SSBP2: variants seen among roughly 807,000 people sequenced by gnomAD.
SSBP2 encodes the protein single stranded DNA binding protein 2.
A neutral mutation model predicts 61.8 loss-of-function variants in SSBP2; 17 were observed. The ratio of observed to expected loss-of-function variants is 0.28; its 90% CI spans 0.19 to 0.41. The LOEUF (loss-of-function observed/expected upper bound fraction) is 0.41. Among genes scored for constraint, SSBP2 ranks in the 10% least tolerant of loss-of-function variants. SSBP2 has a pLI of 1.00. For missense variants in SSBP2, 310 were observed against 458.7 expected (o/e 0.68, Z 2.96); for synonymous variants, 139 against 141.3 (o/e 0.98, Z 0.12).
intron 1 of SSBP2, among the ~76,000 whole-genome samples, chr5:81,703,423 C>G (rs1696628113): frequency 6.6e-6 from 1 of 152,032 alleles, no homozygotes; most frequent in South Asian, 2.1e-4. Flanking sequence ...AATAGTGATT[C>G]CCTGAGACAG....
intron 1 of SSBP2, among the ~76,000 whole-genome samples, chr5:81,704,369 C>T (rs1169921764): frequency 1.3e-5 from 2 of 152,310 alleles, no homozygotes; most frequent in East Asian, 1.9e-4. Flanking sequence ...TTCAGTTCTA[C>T]CACTTACATT....
chr5:81,462,043 A>T (rs1764579471), intron 9 of SSBP2, among the ~76,000 whole-genome samples: 1 of 152,200 alleles, frequency 6.6e-6, no homozygotes, highest in Non-Finnish European at 1.5e-5. Flanking sequence ...CTTGATTCTA[A>T]GACCTTAAAC....
At chr5:81,523,442 C>T (rs765875111) in intron 4 of SSBP2, among the ~76,000 whole-genome samples, 13 of 151,900 alleles carry the variant, frequency 8.6e-5, no homozygotes, top group Non-Finnish European at 1.9e-4. Context: ...CTGGGTGATA[C>T]ATTCACATTT....
chr5:81,497,456 G>C (rs1356419583), intron 5 of SSBP2, among the ~76,000 whole-genome samples: 1 of 152,128 alleles, frequency 6.6e-6, no homozygotes, highest in Non-Finnish European at 1.5e-5. Context: ...ATATAATAAA[G>C]CTTGGTCCTC....
At chr5:81,726,154 G>C (rs571359111) in intron 1 of SSBP2, among the ~76,000 whole-genome samples, 4 of 152,286 alleles carry the variant, frequency 2.6e-5, no homozygotes, top group African/African-American at 7.2e-5. Flanking sequence ...TAAAACAAGA[G>C]AGGAGTCTTG....
chr5:81,614,313 T>C (rs963160562), intron 4 of SSBP2, among the ~76,000 whole-genome samples: 4 of 135,902 alleles, frequency 2.9e-5, no homozygotes, highest in African/African-American at 5.6e-5. Context: ...TGAGCCGAGA[T>C]TGCGCCACCG....
intron 1 of SSBP2, among the ~76,000 whole-genome samples, chr5:81,660,910 G>T (rs938510418): frequency 2.7e-5 from 4 of 150,362 alleles, no homozygotes; most frequent in Non-Finnish European, 4.4e-5. Context: ...CACAGGAAAA[G>T]AAAACCAAAC....
In SSBP2 at chr5:81,630,857, G is replaced by C. The variant is rs534531030; in HGVS notation, c.197+5700C>G. ...AGGAATAAGTTAAATTCATGAGAAA[G>C]CATGTAAAAGAGAAAGAGGTGTAAG... On this transcript the variant is annotated intron_variant, in intron 3 of 16. Transcript: ENST00000320672. Among the ~76,000 whole-genome samples the C allele has an allele frequency of 7.3e-5, 11 of 150,898 alleles. No homozygotes were observed. The East Asian group carries it at 1.8e-3, about 24-fold the overall frequency.
At chr5:81,441,805 T>C (rs1215022393) in intron 13 of SSBP2, among the ~76,000 whole-genome samples, 1 of 152,200 alleles carries the variant, frequency 6.6e-6, no homozygotes, top group Non-Finnish European at 1.5e-5. Flanking sequence ...CTCACTGATA[T>C]AAGGCATATA....
At position 81,539,062 on chromosome 5, in the gene SSBP2, A is replaced by C. The variant is rs143462275; in HGVS notation, c.283-25345T>G. Among the ~76,000 whole-genome samples, 531 of 152,374 alleles carry C rather than the reference A, an allele frequency of 3.5e-3. 2 individuals carry two copies. The highest frequency in any genetic ancestry group is 8.7e-3 in the African/African-American group (362 of 41,590). ...TGAATCCTTCGATGGGTCTGGAAAA[A>C]GTAAATAGAAAACCTTCTGGAAAGA... On this transcript the variant is annotated intron_variant, in intron 4 of 16. Transcript: ENST00000320672.
intron 2 of SSBP2, among the ~76,000 whole-genome samples, chr5:81,648,907 A>G (rs968433853): frequency 6.6e-6 from 1 of 152,050 alleles, no homozygotes; most frequent in African/African-American, 2.4e-5. Flanking sequence ...ACTTCAATGT[A>G]TGACCAAAAT....
chr5:81,632,122 T>C (rs922816801), intron 3 of SSBP2, among the ~76,000 whole-genome samples: 2 of 152,240 alleles, frequency 1.3e-5, no homozygotes, highest in Admixed American at 1.3e-4. Flanking sequence ...TATGCTACAC[T>C]GTACATGCAA....
intron 1 of SSBP2, among the ~76,000 whole-genome samples, chr5:81,708,709 C>T (rs1430328949): frequency 1.3e-5 from 2 of 151,854 alleles, no homozygotes; most frequent in Non-Finnish European, 2.9e-5. Flanking sequence ...CTTCTTTAGT[C>T]TGTATGTATG....
chr5:81,518,660 G>A (rs2154090996), intron 4 of SSBP2, among the ~76,000 whole-genome samples: 1 of 152,216 alleles, frequency 6.6e-6, no homozygotes, highest in African/African-American at 2.4e-5. Context: ...GGTACTTTAT[G>A]AGAAACACTT....
At chr5:81,695,188 T>C (rs543797614) in intron 1 of SSBP2, among the ~76,000 whole-genome samples, 1 of 152,238 alleles carries the variant, frequency 6.6e-6, no homozygotes, top group Non-Finnish European at 1.5e-5. Flanking sequence ...AAATTAAGTA[T>C]CTAAAATCAC....
At chr5:81,566,919 A>T (rs1275183994) in intron 4 of SSBP2, among the ~76,000 whole-genome samples, 6 of 152,178 alleles carry the variant, frequency 3.9e-5, no homozygotes, top group Admixed American at 3.9e-4. Flanking sequence ...TTTGAACTTG[A>T]GAGAGATGAT....
chr5:81,693,048 C>CA (rs1342752767), intron 1 of SSBP2, among the ~76,000 whole-genome samples: 1 of 151,378 alleles, frequency 6.6e-6, no homozygotes, highest in Non-Finnish European at 1.5e-5. Context: ...TACTAAAATA[C>CA]AAAAAAATTA....
intron 4 of SSBP2, among the ~76,000 whole-genome samples, chr5:81,588,157 G>A (rs13171787): frequency 0.18 from 26,847 of 151,838 alleles, 2,456 homozygotes; most frequent in Non-Finnish European, 0.21. Context: ...GTAGAGATGA[G>A]GTCTCACTAT....
chr5:81,452,656 T>C (rs1763852633), intron 10 of SSBP2, among the ~76,000 whole-genome samples: 1 of 152,188 alleles, frequency 6.6e-6, no homozygotes. Context: ...AGATAATTCC[T>C]AGGTTTTCAA....
Sources: gnomAD v4.1 joint callset for allele counts (sites outside exome capture counted in the v4.1 genomes callset) on GRCh38, gnomAD v4.1.1 for gene constraint, MANE v1.5 for transcripts, NCBI Gene and HGNC (gene_info 2026-07-23, HGNC 2026-07-21) for gene names.